IL10RA: variants seen among roughly 807,000 people sequenced by gnomAD.
IL10RA encodes interleukin-10 receptor subunit alpha.
In IL10RA, 18 loss-of-function variants were observed where a neutral mutation model predicts 29.6. That is an observed-to-expected ratio of 0.61 (90% CI 0.42 to 0.90). The LOEUF (loss-of-function observed/expected upper bound fraction) is 0.90, where lower values mean the gene tolerates loss of function less well. Ranked by LOEUF, IL10RA falls within the 40% of genes least tolerant of loss-of-function variation. The pLI, the probability that IL10RA is intolerant of heterozygous loss-of-function variation, is 0.00. For synonymous variants in IL10RA, 292 were observed against 294.1 expected, an observed-to-expected ratio of 0.99 and a Z score of 0.07; for missense variants, 634 against 716.6, an observed-to-expected ratio of 0.88 and a Z score of 1.32.
chr11:118,000,555 G>A lies in IL10RA; in HGVS notation c.*914G>A, dbSNP rs1347912951. 2.2e-6 allele frequency: 1 copy of A among 454,164 alleles called. No individual in the cohort carries two copies. Among genetic ancestry groups the A allele is most frequent in the Non-Finnish European group, 4.4e-6 (1 of 226,794 alleles). 28.1% of individuals were successfully genotyped at this position (454,164 alleles called of 1,614,324 possible). A position where few individuals can be genotyped will look rare whatever the true frequency, so the allele number is the denominator to read the frequency against. ...ATGCCAGCCCCAGAGGGTCAGGGTTGGAGGCCTGTGCTTGTGTTTGCTGCT... is the reference window on the plus strand; with the variant it reads ...ATGCCAGCCCCAGAGGGTCAGGGTTAGAGGCCTGTGCTTGTGTTTGCTGCT... On this transcript the variant is annotated 3_prime_UTR_variant, in exon 7 of 7. Transcript: ENST00000227752.
intron 6 of IL10RA, among the ~76,000 whole-genome samples, chr11:117,996,893 T>C (rs941283002): frequency 1.3e-5 from 2 of 152,250 alleles, no homozygotes; most frequent in Non-Finnish European, 2.9e-5. Context: ...CCTTCTGTAC[T>C]TTTGGATCAC....
At chr11:117,990,987 A>G (rs1204971894) in intron 3 of IL10RA, among the ~76,000 whole-genome samples, 1 of 152,188 alleles carries the variant, frequency 6.6e-6, no homozygotes, top group Admixed American at 6.5e-5. Flanking sequence ...ACCTGAGGTC[A>G]GGAGTTTGAG....
intron 3 of IL10RA, among the ~76,000 whole-genome samples, chr11:117,992,325 G>T (rs1270939278): frequency 1.3e-5 from 2 of 152,170 alleles, no homozygotes; most frequent in Non-Finnish European, 2.9e-5. Context: ...ACATGCAAGG[G>T]TTTCCCTTTT....
chr11:117,998,812 A>C lies in IL10RA; in HGVS notation c.908A>C (p.Lys303Thr). 1.2e-6 allele frequency: 2 copies of C among 1,614,136 alleles called. No individual in the cohort carries two copies. Among genetic ancestry groups the C allele is most frequent in the Non-Finnish European group, 1.7e-6 (2 of 1,180,008 alleles). Residue 303 changes from lysine to threonine, a missense_variant, in exon 7 of 7, where the codon AAG becomes ACG. Lys to Thr is a moderately conservative substitution (Grantham distance 78). Coordinates refer to ENST00000227752, the MANE Select transcript of IL10RA (RefSeq NM_001558.4). ...IHPLDEEAFL[K>T]VSPELKNLDL... is the part of the protein sequence containing the mutation. ...CCGCTTGATGAGGAGGCCTTTTTGA[A>C]GGTGTCCCCAGAGCTGAAGAACTTG...
In IL10RA at chr11:117,999,167, C is replaced by G. The variant is rs769118377; in HGVS notation, c.1263C>G (p.Ala421=). The G allele has an allele frequency of 6.2e-7, 1 of 1,614,184 alleles. No individual in the cohort carries two copies. Among genetic ancestry groups the G allele is most frequent in the Non-Finnish European group, 8.5e-7 (1 of 1,180,002 alleles). Residue 421 remains alanine, a synonymous_variant, in exon 7 of 7, where the codon GCC becomes GCG. Coordinates refer to ENST00000227752, the MANE Select transcript of IL10RA (RefSeq NM_001558.4). ...CTGGGGACACACAGGGTGGCTCGGC[C>G]TTGGGCCACCACAGTCCCCCGGAGC... The part of the protein sequence containing the change: ...GRAGDTQGGS[A]LGHHSPPEPE...
At chr11:117,997,907 C>G (rs951261328) in intron 6 of IL10RA, among the ~76,000 whole-genome samples, 1 of 152,028 alleles carries the variant, frequency 6.6e-6, no homozygotes, top group Admixed American at 6.6e-5. Flanking sequence ...CAGGACACAG[C>G]CATATAAAGT....
chr11:117,986,435 C>T lies in IL10RA; in HGVS notation c.-33C>T, dbSNP rs2057985785. 6.5e-7 allele frequency: 1 copy of T among 1,545,350 alleles called. No homozygotes were observed. Among genetic ancestry groups the T allele is most frequent in the Non-Finnish European group, 8.7e-7 (1 of 1,144,358 alleles). ...TAGCTGGAGGCGCGCAGGCCGGCTC[C>T]GCTCCGGCCCCGGACGATGCGGCGC... On this transcript the variant is annotated 5_prime_UTR_variant, in exon 1 of 7. Transcript: ENST00000227752.
At position 117,988,398 on chromosome 11, in the gene IL10RA, C is replaced by A; in HGVS notation, c.84C>A (p.Ser28Arg). The change falls in exon 2 of 7, where the codon AGC becomes AGA. Residue 28 changes from serine (S) to arginine (R), a missense_variant. Coordinates refer to ENST00000227752, the MANE Select transcript of IL10RA (RefSeq NM_001558.4). ...GSDAHGTELP[S>R]PPSVWFEAEF... ...TCTCCCCAGGGACAGAGCTGCCCAG[C>A]CCTCCGTCTGTGTGGTTTGAAGCAG... The A allele has an allele frequency of 6.2e-7, 1 of 1,614,196 alleles. No individual in the cohort carries two copies. The highest frequency in any genetic ancestry group is 8.5e-7 in the Non-Finnish European group (1 of 1,180,036).
intron 4 of IL10RA, 73 bp downstream of exon 4, chr11:117,993,483 G>A (rs936465897): frequency 1.5e-5 from 21 of 1,363,456 alleles, no homozygotes; most frequent in Non-Finnish European, 2.2e-5. Flanking sequence ...AAGCACCCTT[G>A]TGTGCCATTG....
chr11:117,989,441 G>T lies in IL10RA; in HGVS notation c.189-1G>T. The T allele has an allele frequency of 6.2e-7, 1 of 1,613,888 alleles. No homozygotes were observed. Among genetic ancestry groups the T allele is most frequent in the Non-Finnish European group, 8.5e-7 (1 of 1,179,760 alleles). On this transcript the variant is annotated splice_acceptor_variant, in intron 2 of 6. Coordinates refer to ENST00000227752, the MANE Select transcript of IL10RA (RefSeq NM_001558.4). LOFTEE classifies it high-confidence loss of function. The surrounding 1 kb of genome is among the most constrained non-coding windows in gnomAD (Gnocchi z 4.5). ...CAGTGCCTAACCTGGTATCTCCTCAGGTATGGAATAGAGTCCTGGAACTCC... is the reference window on the plus strand; with the variant it reads ...CAGTGCCTAACCTGGTATCTCCTCATGTATGGAATAGAGTCCTGGAACTCC...
In IL10RA at chr11:117,999,412, A is replaced by C. The variant is rs761693044; in HGVS notation, c.1508A>C (p.Glu503Ala). ...AKGYLKQDPLEMTLASSGAPT... is the reference protein window; with the variant it reads ...AKGYLKQDPLAMTLASSGAPT... ...GGCTATTTGAAACAGGATCCTCTAG[A>C]AATGACTCTGGCTTCCTCAGGGGCC... is the stretch of plus-strand genomic sequence containing the variant. Residue 503 changes from glutamate to alanine, a missense_variant, in exon 7 of 7, where the codon GAA (glutamate) becomes GCA (alanine). Glu to Ala is a moderately radical substitution (Grantham distance 107). Transcript: ENST00000227752. 1 of 1,614,214 alleles carries C rather than the reference A, an allele frequency of 6.2e-7. No homozygotes were observed. The highest frequency in any genetic ancestry group is 8.5e-7 in the Non-Finnish European group (1 of 1,180,038).
rs1009384581 is a variant in IL10RA at position 118,000,565 on chromosome 11, G to C, written c.*924G>C. The C allele has an allele frequency of 4.4e-6, 2 of 454,168 alleles. No homozygotes were observed. The highest frequency in any genetic ancestry group is 8.8e-6 in the Non-Finnish European group (2 of 226,810). 28.1% of individuals were successfully genotyped at this position (454,168 alleles called of 1,614,324 possible). A position where few individuals can be genotyped will look rare whatever the true frequency, so the allele number is the denominator to read the frequency against. Reference sequence around the variant, plus strand: ...CAGAGGGTCAGGGTTGGAGGCCTGTGCTTGTGTTTGCTGCTAATGTCCAGC... The same window carrying C: ...CAGAGGGTCAGGGTTGGAGGCCTGTCCTTGTGTTTGCTGCTAATGTCCAGC... On this transcript the variant is annotated 3_prime_UTR_variant, in exon 7 of 7. Transcript: ENST00000227752.
At chr11:117,996,144 C>T (rs1288178883) in intron 6 of IL10RA, among the ~76,000 whole-genome samples, 1 of 152,148 alleles carries the variant, frequency 6.6e-6, no homozygotes, top group Non-Finnish European at 1.5e-5. Flanking sequence ...AACCCACTTT[C>T]CTACTGCTAT....
rs1227482523 is a variant in IL10RA, at chr11:117,988,371, C to T, written c.68-11C>T. 1.9e-6 allele frequency: 3 copies of T among 1,614,016 alleles called. No homozygotes were observed. The highest frequency in any genetic ancestry group is 1.7e-5 in the Admixed American group (1 of 60,008). Reference sequence around the variant, plus strand: ...CCCTCCCAGCTGTGGTACTGACACTCTTCTCCCCAGGGACAGAGCTGCCCA... The same window carrying T: ...CCCTCCCAGCTGTGGTACTGACACTTTTCTCCCCAGGGACAGAGCTGCCCA... On this transcript the variant is annotated splice_polypyrimidine_tract_variant and intron_variant, in intron 1 of 6. Transcript: ENST00000227752.
intron 6 of IL10RA, 87 bp downstream of exon 6, chr11:117,995,797 A>C: frequency 7.1e-7 from 1 of 1,414,378 alleles, no homozygotes; most frequent in Non-Finnish European, 9.8e-7. Flanking sequence ...CCTCCCAGCC[A>C]GTCCATTGCC....
chr11:117,988,195 T>G, intron 1 of IL10RA, 187 bp from the exon 2 acceptor site: 4 of 693,876 alleles, frequency 5.8e-6, no homozygotes, highest in East Asian at 2.7e-5. Context: ...AGGGCAGTGA[T>G]TTAGGGAGAC....
At chr11:117,997,817 G>A (rs960114228) in intron 6 of IL10RA, among the ~76,000 whole-genome samples, 2 of 152,172 alleles carry the variant, frequency 1.3e-5, no homozygotes, top group African/African-American at 4.8e-5. Context: ...GGAGAGAGTG[G>A]CAGGAGTACT....
At position 117,998,626 on chromosome 11, in the gene IL10RA, C is replaced by T. The variant is rs535039892; in HGVS notation, c.811-89C>T. Reference sequence around the variant, plus strand: ...AGACTGTAGTCTCCTCCATCGAGCTCTCCTCCTGGGCCTGGCCTTCCCCGG... The same window carrying T: ...AGACTGTAGTCTCCTCCATCGAGCTTTCCTCCTGGGCCTGGCCTTCCCCGG... On this transcript the variant is annotated intron_variant, in intron 6 of 6. Transcript: ENST00000227752. 5 of 1,117,632 alleles carry T rather than the reference C, an allele frequency of 4.5e-6. No individual in the cohort carries two copies. In the African/African-American group the frequency reaches 4.6e-5, roughly 10 times the overall value. The allele number at this position is 1,117,632 out of a possible 1,614,324, so 69.2% of individuals were successfully genotyped here.
rs1435444801 is a variant in IL10RA at position 117,995,581 on chromosome 11, G to T, written c.689-8G>T. 1.9e-6 allele frequency: 3 copies of T among 1,613,996 alleles called. No individual in the cohort carries two copies. Among genetic ancestry groups the T allele is most frequent in the Admixed American group, 3.3e-5 (2 of 60,002 alleles). On this transcript the variant is annotated splice_polypyrimidine_tract_variant and splice_region_variant and intron_variant, in intron 5 of 6. Transcript: ENST00000227752. ...ACAGGCCACAAACACATCTCTCTGG[G>T]CCTGCAGATTTCACCGTGACCAACG...
Sources: gnomAD v4.1 joint callset for allele counts (sites outside exome capture counted in the v4.1 genomes callset) on GRCh38, gnomAD v4.1.1 for gene constraint, Gnocchi (gnomAD v3.1) non-coding constraint, MANE v1.5 for transcripts, NCBI Gene and HGNC (gene_info 2026-07-23, HGNC 2026-07-21) for gene names.